The following TBC1D32 variants were observed in gnomAD, a reference collection of about 807,000 sequenced individuals.
The protein encoded by TBC1D32 is TBC1 domain family member 32.
TBC1D32 carries 151 observed loss-of-function variants against 170.3 expected under a neutral mutation model. The ratio of observed to expected loss-of-function variants is 0.89; its 90% CI spans 0.78 to 1.01. The LOEUF (loss-of-function observed/expected upper bound fraction) is 1.01. TBC1D32 is among the 50% of genes least tolerant of loss of function. The pLI is 0.00. For synonymous variants in TBC1D32, 498 were observed against 488.0 expected, an observed-to-expected ratio of 1.02 and a Z score of -0.27; for missense variants, 1,464 against 1,457.1, an observed-to-expected ratio of 1.00 and a Z score of -0.08.
intron 24 of TBC1D32, among the ~76,000 whole-genome samples, chr6:121,142,910 T>C (rs1782977763): frequency 6.6e-6 from 1 of 152,160 alleles, no homozygotes; most frequent in Non-Finnish European, 1.5e-5. Context: ...TCTCCAGTAG[T>C]TCACCTTAAC....
intron 9 of TBC1D32, among the ~76,000 whole-genome samples, chr6:121,302,011 T>C (rs1296909682): frequency 6.6e-6 from 1 of 152,188 alleles, no homozygotes; most frequent in Non-Finnish European, 1.5e-5. Flanking sequence ...GTTTTAAACC[T>C]TGTAGCTTAA....
intron 10 of TBC1D32, among the ~76,000 whole-genome samples, chr6:121,295,330 A>G (rs949305210): frequency 4.7e-5 from 7 of 149,458 alleles, no homozygotes; most frequent in African/African-American, 1.7e-4. Context: ...ATACGGTGTG[A>G]TAATTATTAA....
rs370189661 is a variant in TBC1D32, at chr6:121,115,117, G to A, written c.3053+55C>T. The A allele has an allele frequency of 5.1e-6, 7 of 1,375,806 alleles. No homozygotes were observed. The African/African-American group carries it at 8.7e-5, about 17-fold the overall frequency. The allele number at this position is 1,375,806 out of a possible 1,614,324, so 85.2% of individuals were successfully genotyped here. ...ATTAAATACTACTGAGCACATATGA[G>A]GCAGATAAAACAAATTCTAGAAATG... On this transcript the variant is annotated intron_variant, in intron 27 of 31. Coordinates refer to ENST00000398212, the MANE Select transcript of TBC1D32 (RefSeq NM_152730.6).
chr6:121,249,921 C>G (rs540861719), intron 17 of TBC1D32, among the ~76,000 whole-genome samples: 1 of 151,984 alleles, frequency 6.6e-6, no homozygotes, highest in Non-Finnish European at 1.5e-5. Flanking sequence ...AAGCAATCCA[C>G]AGATTCAATG....
intron 17 of TBC1D32, among the ~76,000 whole-genome samples, chr6:121,249,898 ACCATACT>A (rs1350008827): frequency 2.6e-5 from 4 of 151,982 alleles, no homozygotes; most frequent in African/African-American, 7.2e-5. Flanking sequence ...TATGAAAATG[ACCATACT>A]GCCAAAAGCA....
At chr6:121,202,279 G>GAAA (rs59539189) in intron 22 of TBC1D32, among the ~76,000 whole-genome samples, 146 of 113,878 alleles carry the variant, frequency 1.3e-3, no homozygotes, top group East Asian at 2.4e-3. Flanking sequence ...ACTAGAGAAT[G>GAAA]AAAAAAAAAA....
chr6:121,308,824 T>A (rs1328564539), intron 4 of TBC1D32, among the ~76,000 whole-genome samples: 1 of 151,860 alleles, frequency 6.6e-6, no homozygotes, highest in Non-Finnish European at 1.5e-5. Context: ...CAGAATTCAC[T>A]CAAAACAGTA....
chr6:121,161,471 T>C (rs1253008630), intron 22 of TBC1D32, among the ~76,000 whole-genome samples: 1 of 152,210 alleles, frequency 6.6e-6, no homozygotes. Context: ...TCCATTCCTA[T>C]ATTAATTTGC....
chr6:121,232,529 C>A (rs965476725), intron 20 of TBC1D32, among the ~76,000 whole-genome samples: 7 of 152,028 alleles, frequency 4.6e-5, no homozygotes, highest in African/African-American at 1.7e-4. Context: ...GCCATTTTCA[C>A]AATATTGATT....
intron 11 of TBC1D32, among the ~76,000 whole-genome samples, chr6:121,292,395 A>G (rs6933489): frequency 0.12 from 17,641 of 152,174 alleles, 1,469 homozygotes; most frequent in Admixed American, 0.23. Context: ...TCATCTTAAA[A>G]AGCAGCCTCA....
At chr6:121,134,313 A>G (rs1035800702) in intron 24 of TBC1D32, among the ~76,000 whole-genome samples, 4 of 152,028 alleles carry the variant, frequency 2.6e-5, no homozygotes, top group African/African-American at 9.7e-5. Flanking sequence ...TTATTTATAA[A>G]TCTGTTTTCT....
intron 22 of TBC1D32, among the ~76,000 whole-genome samples, chr6:121,201,535 A>G (rs1791560254): frequency 6.6e-6 from 1 of 151,426 alleles, no homozygotes; most frequent in Non-Finnish European, 1.5e-5. Flanking sequence ...TGTTTTACAC[A>G]ATGTTTTCTC....
At chr6:121,100,100 G>C (rs994982965) in intron 30 of TBC1D32, among the ~76,000 whole-genome samples, 1 of 151,912 alleles carries the variant, frequency 6.6e-6, no homozygotes, top group African/African-American at 2.4e-5. Context: ...TTAATCCTGA[G>C]TTCTACTTTA....
intron 17 of TBC1D32, among the ~76,000 whole-genome samples, chr6:121,250,708 CT>C (rs1406825259): frequency 1.3e-5 from 2 of 151,996 alleles, no homozygotes; most frequent in Non-Finnish European, 2.9e-5. Context: ...ACCACTCCTA[CT>C]GAACATAGTA....
intron 22 of TBC1D32, chr6:121,163,000 T>G (rs1236095622): frequency 1.5e-5 from 1 of 64,716 alleles, no homozygotes; most frequent in East Asian, 3.9e-4. Context: ...CACCCGAATA[T>G]TGCGCTTTTC....
intron 20 of TBC1D32, among the ~76,000 whole-genome samples, chr6:121,230,686 CAT>C (rs1319416533): frequency 9.2e-5 from 14 of 151,438 alleles, no homozygotes; most frequent in Admixed American, 3.9e-4. Flanking sequence ...TATATATACA[CAT>C]GTGTGTATAT....
chr6:121,318,788 T>C (rs1251874652), intron 2 of TBC1D32, among the ~76,000 whole-genome samples: 1 of 151,092 alleles, frequency 6.6e-6, no homozygotes, highest in East Asian at 1.9e-4. Flanking sequence ...TGTGTGTGTA[T>C]ATATACATAT....
intron 11 of TBC1D32, 21 bp from the exon 12 acceptor site, chr6:121,292,214 GA>G: frequency 6.4e-7 from 1 of 1,566,862 alleles, no homozygotes; most frequent in Non-Finnish European, 8.7e-7. Context: ...AAGCAAACAC[GA>G]ATATTTATTT....
intron 17 of TBC1D32, among the ~76,000 whole-genome samples, chr6:121,252,239 T>C (rs751417491): frequency 7.9e-5 from 12 of 152,176 alleles, no homozygotes; most frequent in Admixed American, 3.9e-4. Context: ...ACCCGAAGGA[T>C]TATGAATCAT....
Sources: allele counts gnomAD v4.1 joint callset (sites outside exome capture counted in the v4.1 genomes callset), GRCh38; gene constraint gnomAD v4.1.1; transcripts MANE v1.5; gene names NCBI Gene and HGNC (gene_info 2026-07-23, HGNC 2026-07-21).